The following KIF18B variants were observed in gnomAD, a reference collection of about 807,000 sequenced individuals.
The protein encoded by KIF18B is kinesin family member 18B.
In KIF18B, 49 loss-of-function variants were observed where a neutral mutation model predicts 80.9. That is an observed-to-expected ratio of 0.61 (90% CI 0.48 to 0.77). The LOEUF is 0.77. Among genes scored for constraint, KIF18B ranks in the 30% least tolerant of loss-of-function variants. The probability of loss-of-function intolerance (pLI) is 0.00; values close to 1 mark genes in which losing one functional copy is unlikely to be tolerated. For missense variants in KIF18B, 994 were observed against 1,127.7 expected (o/e 0.88, Z 1.70); for synonymous variants, 439 against 463.9 (o/e 0.95, Z 0.69).
At position 44,934,449 on chromosome 17, in the gene KIF18B, G is replaced by T; in HGVS notation, c.688-19C>A. Reference sequence around the variant, plus strand: ...CAAAGATCTGAAGGCAGATGGCAGGGGTGAGGGGGAGATGGGCATCAGGGG... The same window carrying T: ...CAAAGATCTGAAGGCAGATGGCAGGTGTGAGGGGGAGATGGGCATCAGGGG... On this transcript the variant is annotated intron_variant, in intron 5 of 15. Transcript: ENST00000593135. This position sits in a 1 kb window ranked among gnomAD's most constrained non-coding sequence, Gnocchi z 5.4. The T allele has an allele frequency of 6.2e-7, 1 of 1,604,112 alleles. No individual in the cohort carries two copies. The highest frequency in any genetic ancestry group is 8.5e-7 in the Non-Finnish European group (1 of 1,174,158).
chr17:44,936,612 ATATATATATATATTTTTTTTTT>A (rs1567796117), intron 1 of KIF18B, among the ~76,000 whole-genome samples: 15 of 77,022 alleles, frequency 1.9e-4, no homozygotes, highest in African/African-American at 7.3e-4. Flanking sequence ...ATATATATAT[ATATATATATATATTTTTTTTTT>A]TTTTTTTTTT....
At chr17:44,940,815 C>G (rs1353186539) in intron 1 of KIF18B, among the ~76,000 whole-genome samples, 5 of 152,218 alleles carry the variant, frequency 3.3e-5, no homozygotes, top group African/African-American at 1.2e-4. Flanking sequence ...TGAGACAGAA[C>G]TGAGCTGATT....
intron 1 of KIF18B, among the ~76,000 whole-genome samples, chr17:44,944,249 T>G (rs1567801494): frequency 6.6e-6 from 1 of 151,386 alleles, no homozygotes; most frequent in African/African-American, 2.4e-5. Flanking sequence ...TTTTTTTTTT[T>G]CTTTTTTGAG....
chr17:44,935,248 G>T lies in KIF18B; in HGVS notation c.471+11C>A. The T allele has an allele frequency of 6.3e-7, 1 of 1,594,620 alleles. No homozygotes were observed. The highest frequency in any genetic ancestry group is 8.6e-7 in the Non-Finnish European group (1 of 1,168,518). On this transcript the variant is annotated intron_variant, in intron 3 of 15. Coordinates refer to ENST00000593135, the MANE Select transcript of KIF18B (RefSeq NM_001265577.2). ...GTTGTGAGAACAAGGCCCAGGGCAG[G>T]GGCAGCCGACCTCCTGGTAGCTGAT... is the stretch of plus-strand genomic sequence containing the variant.
chr17:44,935,966 T>G, intron 2 of KIF18B, 66 bp downstream of exon 2: 1 of 1,478,430 alleles, frequency 6.8e-7, no homozygotes, highest in Non-Finnish European at 9.4e-7. Context: ...AGAAGACACA[T>G]GAAACCCTTC....
intron 15 of KIF18B, 72 bp downstream of exon 15, chr17:44,926,342 C>T (rs891972314): frequency 4.9e-5 from 76 of 1,553,366 alleles, no homozygotes; most frequent in Non-Finnish European, 5.8e-5. Context: ...GTCTCAGCTC[C>T]CCGTCCCCTC....
chr17:44,930,636 T>C (rs1481826008), intron 11 of KIF18B, among the ~76,000 whole-genome samples: 1 of 152,200 alleles, frequency 6.6e-6, no homozygotes, highest in Non-Finnish European at 1.5e-5. Flanking sequence ...CCGGGGGCTA[T>C]GATCCCCAGT....
In KIF18B at chr17:44,926,398, C is replaced by A. The variant is rs1022002069; in HGVS notation, c.2452+16G>T. ...CCTCCATGGCCCAGGCTATCCCTGT[C>A]CCTAGTGCCAGTCACCTGGGAGTAC... On this transcript the variant is annotated intron_variant, in intron 15 of 15. Transcript: ENST00000593135. 6.4e-7 allele frequency: 1 copy of A among 1,563,078 alleles called. No individual in the cohort carries two copies. Among genetic ancestry groups the A allele is most frequent in the South Asian group, 1.2e-5 (1 of 84,812 alleles).
rs2052059668 is a variant in KIF18B at position 44,927,775 on chromosome 17, T to C, written c.2276+251A>G. On this transcript the variant is annotated intron_variant, in intron 13 of 15. Transcript: ENST00000593135. The surrounding 1 kb of genome is among the most constrained non-coding windows in gnomAD (Gnocchi z 4.1). ...AAGTTGGGGTCCCATTAGCTACTCA[T>C]GAGCATGCTACAAACCAGCACAGAG... 6.6e-6 allele frequency among the ~76,000 whole-genome samples: 1 copy of C among 152,210 alleles called. No individual in the cohort carries two copies. The highest frequency in any genetic ancestry group is 1.5e-5 in the Non-Finnish European group (1 of 68,036).
At chr17:44,939,139 G>T (rs1188864383) in intron 1 of KIF18B, among the ~76,000 whole-genome samples, 1 of 151,828 alleles carries the variant, frequency 6.6e-6, no homozygotes, top group Non-Finnish European at 1.5e-5. Context: ...GGGAGGCCGA[G>T]GTGGGCAGAT....
In KIF18B at chr17:44,933,950, G is replaced by T; in HGVS notation, c.1035C>A (p.Ala345=). The T allele has an allele frequency of 6.3e-7, 1 of 1,581,150 alleles. No individual in the cohort carries two copies. Among genetic ancestry groups the T allele is most frequent in the East Asian group, 2.3e-5 (1 of 43,278 alleles). ...AGAGCCTGATCTCCTTGGCCCGGTC[G>T]GCATATTTGAGGGTGTTGTACGTGT... ...YEDTYNTLKY[A]DRAKEIRLSL... The change falls in exon 7 of 16, where the codon GCC becomes GCA. Residue 345 remains alanine, a synonymous_variant. Coordinates refer to ENST00000593135, the MANE Select transcript of KIF18B (RefSeq NM_001265577.2).
chr17:44,925,877 G>GT lies in KIF18B; in HGVS notation c.*202dup, dbSNP rs1486940842. 4.8e-6 allele frequency: 3 copies of GT among 618,888 alleles called. No homozygotes were observed. The African/African-American group carries it at 5.6e-5, about 11-fold the overall frequency. 38.3% of individuals were successfully genotyped at this position (618,888 alleles called of 1,614,324 possible). A position where few individuals can be genotyped will look rare whatever the true frequency, so the allele number is the denominator to read the frequency against. ...ATATGTACATGCCAAGAAGCTGAGT[G>GT]TAACAGGAGATTAACAGAGGGTGAG... On this transcript the variant is annotated 3_prime_UTR_variant, in exon 16 of 16. Coordinates refer to ENST00000593135, the MANE Select transcript of KIF18B (RefSeq NM_001265577.2).
At position 44,943,020 on chromosome 17, in the gene KIF18B, T is replaced by C. The variant is rs188388313; in HGVS notation, c.-15+4608A>G. Reference sequence around the variant, plus strand: ...GGGTAGCTCCCATCTCCCCCTCACCTTGGTACCCACAAAAGAACAGCACCC... The same window carrying C: ...GGGTAGCTCCCATCTCCCCCTCACCCTGGTACCCACAAAAGAACAGCACCC... On this transcript the variant is annotated intron_variant, in intron 1 of 15. Coordinates refer to ENST00000593135, the MANE Select transcript of KIF18B (RefSeq NM_001265577.2). Among the ~76,000 whole-genome samples the C allele has an allele frequency of 2.0e-5, 3 of 152,328 alleles. No homozygotes were observed. The East Asian group carries it at 5.8e-4, about 29-fold the overall frequency.
At chr17:44,947,473 G>A (rs534982272) in intron 1 of KIF18B, among the ~76,000 whole-genome samples, 155 bp downstream of exon 1, 2 of 152,340 alleles carry the variant, frequency 1.3e-5, no homozygotes, top group East Asian at 1.9e-4. Context: ...AGAGCCTGCC[G>A]GGGCGGCAGC....
In KIF18B at chr17:44,926,908, G is replaced by T. The variant is rs2052040579; in HGVS notation, c.2366+81C>A. Reference sequence around the variant, plus strand: ...GGGTGTAGAGACAGAGACACTGGGGGCCCAGAGTCGGCCCAGGTGTCTACT... The same window carrying T: ...GGGTGTAGAGACAGAGACACTGGGGTCCCAGAGTCGGCCCAGGTGTCTACT... On this transcript the variant is annotated intron_variant, in intron 14 of 15. Transcript: ENST00000593135. 1.3e-5 allele frequency: 16 copies of T among 1,204,566 alleles called. No individual in the cohort carries two copies. The South Asian group carries it at 2.0e-4, about 15-fold the overall frequency. The allele number at this position is 1,204,566 out of a possible 1,614,324, so 74.6% of individuals were successfully genotyped here.
In KIF18B at chr17:44,932,114, C is replaced by T; in HGVS notation, c.1331G>A (p.Gly444Glu). ...GGACTGCTCCTGGTCTGAAGAGTTC[C>T]CTTCCATGGCCCTCTCCACCTGGGC... ...MEAQVERAME[G>E]NSSDQEQSPE... The change falls in exon 10 of 16, where the codon GGG becomes GAG. Residue 444 changes from glycine to glutamate, a missense_variant. Coordinates refer to ENST00000593135, the MANE Select transcript of KIF18B (RefSeq NM_001265577.2). The T allele has an allele frequency of 3.7e-6, 6 of 1,613,942 alleles. No homozygotes were observed. The highest frequency in any genetic ancestry group is 5.1e-6 in the Non-Finnish European group (6 of 1,179,864).
chr17:44,933,680 A>T (rs2052209515), intron 7 of KIF18B, among the ~76,000 whole-genome samples: 1 of 151,768 alleles, frequency 6.6e-6, no homozygotes, highest in Non-Finnish European at 1.5e-5. Context: ...TTTAGTAGAG[A>T]TGGGGTTTCA....
chr17:44,931,976 G>A, intron 10 of KIF18B, 80 bp downstream of exon 10: 2 of 1,471,522 alleles, frequency 1.4e-6, no homozygotes, highest in East Asian at 2.3e-5. Flanking sequence ...GGGACTCTGA[G>A]TCAGGGAGAG....
In KIF18B at chr17:44,932,950, T is replaced by C. The variant is rs1463920980; in HGVS notation, c.1099A>G (p.Ser367Gly). ...TGTTGGCAGATGGTAGCATACTGGC[T>C]GATGTGACAGTCCAGGCTGGTCACA... ...SNVTSLDCHI[S>G]QYATICQQLQ... is the part of the protein sequence containing the mutation. Residue 367 changes from serine to glycine, a missense_variant, in exon 8 of 16, where the codon AGC becomes GGC. Coordinates refer to ENST00000593135, the MANE Select transcript of KIF18B (RefSeq NM_001265577.2). 6.2e-7 allele frequency: 1 copy of C among 1,607,598 alleles called. No homozygotes were observed.
Sources: gnomAD v4.1 joint callset for allele counts (sites outside exome capture counted in the v4.1 genomes callset) on GRCh38, gnomAD v4.1.1 for gene constraint, Gnocchi (gnomAD v3.1) non-coding constraint, MANE v1.5 for transcripts, NCBI Gene and HGNC (gene_info 2026-07-23, HGNC 2026-07-21) for gene names.